RHBDL1: variants seen among roughly 807,000 people sequenced by gnomAD.
The protein encoded by RHBDL1 is rhomboid like 1.
RHBDL1 carries 21 observed loss-of-function variants against 34.0 expected under a neutral mutation model. The observed-to-expected ratio is 0.62, with a 90% confidence interval of 0.44 to 0.89. The LOEUF is 0.89. Ranked by LOEUF, RHBDL1 falls within the 40% of genes least tolerant of loss-of-function variation. The pLI is 0.00. For synonymous variants in RHBDL1, 268 were observed against 234.8 expected (o/e 1.14, Z -1.29); for missense variants, 450 against 530.6 (o/e 0.85, Z 1.49).
Position 676,073 on chromosome 16 carries a change from G to A in RHBDL1, c.39+244G>A, listed in dbSNP as rs991664446. On this transcript the variant is annotated intron_variant, in intron 1 of 7. Transcript: ENST00000352681. The surrounding 1 kb of genome is among the most constrained non-coding windows in gnomAD (Gnocchi z 6.9). ...GGGAGGGAGGGCGGGCAGCTGGCTG[G>A]TCTTGGACCTTGGCCCTCGCTTTCC... The A allele has an allele frequency of 3.5e-6, 5 of 1,442,852 alleles. No individual in the cohort carries two copies. The highest frequency in any genetic ancestry group is 4.6e-6 in the Non-Finnish European group (5 of 1,094,648). 89.4% of individuals were successfully genotyped at this position (1,442,852 alleles called of 1,614,324 possible). A position where few individuals can be genotyped will look rare whatever the true frequency, so the allele number is the denominator to read the frequency against.
chr16:675,898 T>C (rs917215687), intron 1 of RHBDL1, 69 bp downstream of exon 1: 5 of 1,451,586 alleles, frequency 3.4e-6, no homozygotes, highest in Non-Finnish European at 4.6e-6. Flanking sequence ...TGAGCTGAGC[T>C]TGTGCGGGAC....
At position 676,137 on chromosome 16, in the gene RHBDL1, G is replaced by A. The variant is rs923002303; in HGVS notation, c.40-199G>A. 38 of 1,466,268 alleles carry A rather than the reference G, an allele frequency of 2.6e-5. No homozygotes were observed. The highest frequency in any genetic ancestry group is 3.3e-5 in the Non-Finnish European group (36 of 1,105,106). 90.8% of individuals were successfully genotyped at this position (1,466,268 alleles called of 1,614,324 possible). Reference sequence around the variant, plus strand: ...TGGAAGACGGGGGAACAACTGAGGAGCTGGAGGACTGGGACCCAGGCACCA... The same window carrying A: ...TGGAAGACGGGGGAACAACTGAGGAACTGGAGGACTGGGACCCAGGCACCA... On this transcript the variant is annotated intron_variant, in intron 1 of 7. Transcript: ENST00000352681. The surrounding 1 kb of genome is among the most constrained non-coding windows in gnomAD (Gnocchi z 6.9).
chr16:677,249 C>A, intron 4 of RHBDL1, 27 bp from the exon 5 acceptor site: 1 of 1,559,422 alleles, frequency 6.4e-7, no homozygotes, highest in African/African-American at 1.4e-5. Flanking sequence ...CCCCACCCTT[C>A]GTACCCGTTT....
chr16:676,191 G>C lies in RHBDL1; in HGVS notation c.40-145G>C, dbSNP rs2039539110. The C allele has an allele frequency of 6.6e-7, 1 of 1,513,896 alleles. No individual in the cohort carries two copies. The allele number at this position is 1,513,896 out of a possible 1,614,324, so 93.8% of individuals were successfully genotyped here. ...CCCTGCCAGCTCCTGGGATCAAGCAGGGTCCCAGGGAACAGACAGGCACGG... is the reference window on the plus strand; with the variant it reads ...CCCTGCCAGCTCCTGGGATCAAGCACGGTCCCAGGGAACAGACAGGCACGG... On this transcript the variant is annotated intron_variant, in intron 1 of 7. Transcript: ENST00000352681. This position sits in a 1 kb window ranked among gnomAD's most constrained non-coding sequence, Gnocchi z 6.9.
At position 675,804 on chromosome 16, in the gene RHBDL1, C is replaced by G. The variant is rs1288921678; in HGVS notation, c.14C>G (p.Ser5Trp). Residue 5 changes from serine (S) to tryptophan (W), a missense_variant, in exon 1 of 8, where the codon TCG (serine) becomes TGG (tryptophan). Transcript: ENST00000352681. MDRS[S>W]LLQLIQEQQL... ...CGGCCAGGCTCTATGGACAGGAGCT[C>G]GCTGCTGCAGCTCATCCAGGAGCAG... 3 of 1,511,024 alleles carry G rather than the reference C, an allele frequency of 2.0e-6. No homozygotes were observed. The highest frequency in any genetic ancestry group is 1.8e-6 in the Non-Finnish European group (2 of 1,133,536). The allele number at this position is 1,511,024 out of a possible 1,614,324, so 93.6% of individuals were successfully genotyped here. A position where few individuals can be genotyped will look rare whatever the true frequency, so the allele number is the denominator to read the frequency against.
In RHBDL1 at chr16:676,959, T is replaced by C. The variant is rs1453883101; in HGVS notation, c.427-12T>C. On this transcript the variant is annotated splice_polypyrimidine_tract_variant and intron_variant, in intron 3 of 7. Transcript: ENST00000352681. This position sits in a 1 kb window ranked among gnomAD's most constrained non-coding sequence, Gnocchi z 6.9. The stretch of plus-strand genomic sequence containing the variant: ...CTCCTGGCCATGACCAGCCTAACAC[T>C]CGTGTCCCCAGATCATCGTGTTCCT... The C allele has an allele frequency of 5.6e-6, 9 of 1,611,682 alleles. No homozygotes were observed. Among genetic ancestry groups the C allele is most frequent in the East Asian group, 2.2e-5 (1 of 44,806 alleles).
chr16:677,206 A>C, intron 4 of RHBDL1, 70 bp from the exon 5 acceptor site: 2 of 1,568,056 alleles, frequency 1.3e-6, no homozygotes, highest in Middle Eastern at 1.7e-4. Flanking sequence ...CGGCAACTTG[A>C]GGTGACGGCT....
In RHBDL1 at chr16:676,378, T is replaced by C. The variant is rs2039544240; in HGVS notation, c.82T>C (p.Phe28Leu). The C allele has an allele frequency of 1.2e-6, 2 of 1,609,104 alleles. No homozygotes were observed. Among genetic ancestry groups the C allele is most frequent in the African/African-American group, 1.3e-5 (1 of 74,618 alleles). The change falls in exon 2 of 8, where the codon TTC becomes CTC. Residue 28 changes from phenylalanine (F) to leucine (L), a missense_variant. Coordinates refer to ENST00000352681, the MANE Select transcript of RHBDL1 (RefSeq NM_001278720.2). This position sits in a 1 kb window ranked among gnomAD's most constrained non-coding sequence, Gnocchi z 6.9. ...CACAGGCTTCATCGGTGCGGACACC[T>C]TCACTGGCCTGGTGCACAGCCATGA... Reference protein sequence around the residue: ...ENTGFIGADTFTGLVHSHELP... With the variant: ...ENTGFIGADTLTGLVHSHELP...
In RHBDL1 at chr16:677,963, C is replaced by T. The variant is rs2039581829; in HGVS notation, c.1033C>T (p.Leu345=). The T allele has an allele frequency of 1.2e-6, 2 of 1,602,796 alleles. No homozygotes were observed. The highest frequency in any genetic ancestry group is 8.5e-7 in the Non-Finnish European group (1 of 1,179,400). The change falls in exon 8 of 8, where the codon CTG becomes TTG. Residue 345 remains leucine (L), a synonymous_variant. Coordinates refer to ENST00000352681, the MANE Select transcript of RHBDL1 (RefSeq NM_001278720.2). ...RDQCGWWVVL[L]AYGTFLLFAV... Reference sequence around the variant, plus strand: ...CCAGTGCGGCTGGTGGGTGGTGCTGCTGGCCTACGGCACCTTCCTGCTCTT... The same window carrying T: ...CCAGTGCGGCTGGTGGGTGGTGCTGTTGGCCTACGGCACCTTCCTGCTCTT...
rs1294097122 is a variant in RHBDL1, at chr16:677,491, GC to G, written c.725del (p.Pro242ArgfsTer22). ...AACCGTCTCCATCACCGACATGCGG[GC>G]CCCGGTGGTGGGAGGCTCCGGCGGG... Reference protein sequence around the residue: ...SLTVSITDMRAPVVGGSGGVY... With the variant: ...SLTVSITDMRXPVVGGSGGVY... On this transcript the variant is annotated frameshift_variant, in exon 6 of 8. Coordinates refer to ENST00000352681, the MANE Select transcript of RHBDL1 (RefSeq NM_001278720.2). LOFTEE classifies it high-confidence loss of function. 6.2e-7 allele frequency: 1 copy of G among 1,608,762 alleles called. No homozygotes were observed.
Position 678,125 on chromosome 16 carries a change from C to T in RHBDL1, c.*73C>T, listed in dbSNP as rs1471643940. The T allele has an allele frequency of 1.4e-6, 2 of 1,455,282 alleles. No homozygotes were observed. Among genetic ancestry groups the T allele is most frequent in the African/African-American group, 2.9e-5 (2 of 69,706 alleles). The allele number at this position is 1,455,282 out of a possible 1,614,324, so 90.1% of individuals were successfully genotyped here. ...GCCCACCAGGGGCCTTCACGTCTGC[C>T]CTTTGTGAACGGACGTCTCAGGGCT... On this transcript the variant is annotated 3_prime_UTR_variant, in exon 8 of 8. Transcript: ENST00000352681.
chr16:676,566 T>C lies in RHBDL1; in HGVS notation c.201+69T>C. 6.4e-7 allele frequency: 1 copy of C among 1,570,416 alleles called. No individual in the cohort carries two copies. Among genetic ancestry groups the C allele is most frequent in the South Asian group, 1.1e-5 (1 of 87,904 alleles). On this transcript the variant is annotated intron_variant, in intron 2 of 7. Coordinates refer to ENST00000352681, the MANE Select transcript of RHBDL1 (RefSeq NM_001278720.2). This position sits in a 1 kb window ranked among gnomAD's most constrained non-coding sequence, Gnocchi z 6.9. ...CCAGAGGAGGCGGGCAGGCAGCTCC[T>C]CACGGCGGTGGGTGGGGGGCTTGTG...
In RHBDL1 at chr16:676,586, C is replaced by T; in HGVS notation, c.202-86C>T. ...GCTCCTCACGGCGGTGGGTGGGGGGCTTGTGGATGCGGGGAGCTGGGTGAG... is the reference window on the plus strand; with the variant it reads ...GCTCCTCACGGCGGTGGGTGGGGGGTTTGTGGATGCGGGGAGCTGGGTGAG... On this transcript the variant is annotated intron_variant, in intron 2 of 7. Transcript: ENST00000352681. This position sits in a 1 kb window ranked among gnomAD's most constrained non-coding sequence, Gnocchi z 6.9. 6.3e-7 allele frequency: 1 copy of T among 1,576,082 alleles called. No individual in the cohort carries two copies. The highest frequency in any genetic ancestry group is 1.3e-5 in the African/African-American group (1 of 74,366).
rs1217258563 is a variant in RHBDL1 at position 677,260 on chromosome 16, G to C, written c.576-16G>C. The C allele has an allele frequency of 1.3e-6, 2 of 1,559,920 alleles. No individual in the cohort carries two copies. Among genetic ancestry groups the C allele is most frequent in the East Asian group, 4.8e-5 (2 of 41,406 alleles). ...CTGACCCCACCCTTCGTACCCGTTT[G>C]CTTCCCTGTGGCCAGGCTGGAGCAG... On this transcript the variant is annotated splice_polypyrimidine_tract_variant and intron_variant, in intron 4 of 7. Coordinates refer to ENST00000352681, the MANE Select transcript of RHBDL1 (RefSeq NM_001278720.2).
Position 677,844 on chromosome 16 carries a change from C to A in RHBDL1, c.914C>A (p.Pro305Gln). The stretch of plus-strand genomic sequence containing the variant: ...TCCCCGCCGCTGCCCGCCTCGGGCC[C>A]ACAGCCCAGCTTCATGGCGCACCTG... Reference protein sequence around the residue: ...RFSPPLPASGPQPSFMAHLAG... With the variant: ...RFSPPLPASGQQPSFMAHLAG... The change falls in exon 8 of 8, where the codon CCA becomes CAA. Residue 305 changes from proline to glutamine, a missense_variant. Pro to Gln is a moderately conservative substitution (Grantham distance 76, BLOSUM62 -1). Coordinates refer to ENST00000352681, the MANE Select transcript of RHBDL1 (RefSeq NM_001278720.2). The A allele has an allele frequency of 6.3e-7, 1 of 1,589,570 alleles. No homozygotes were observed.
At position 677,488 on chromosome 16, in the gene RHBDL1, C is replaced by T. The variant is rs866745664; in HGVS notation, c.718C>T (p.Arg240Trp). ...CCTAACCGTCTCCATCACCGACATG[C>T]GGGCCCCGGTGGTGGGAGGCTCCGG... ...GSLTVSITDM[R>W]APVVGGSGGV... is the part of the protein sequence containing the mutation. The change falls in exon 6 of 8, where the codon CGG becomes TGG. Residue 240 changes from arginine (R) to tryptophan (W), a missense_variant. Arg to Trp is a moderately radical substitution (Grantham distance 101, BLOSUM62 -3). Transcript: ENST00000352681. 4.4e-6 allele frequency: 7 copies of T among 1,608,124 alleles called. No homozygotes were observed. Among genetic ancestry groups the T allele is most frequent in the African/African-American group, 1.3e-5 (1 of 74,908 alleles).
At chr16:675,923 GC>G in intron 1 of RHBDL1, 94 bp downstream of exon 1, 1 of 1,422,998 alleles carries the variant, frequency 7.0e-7, no homozygotes, top group Non-Finnish European at 9.3e-7. Context: ...CTCCCCGAAA[GC>G]CCCGCTCGGT....
chr16:677,839 G>A lies in RHBDL1; in HGVS notation c.909G>A (p.Ser303=), dbSNP rs776299686. Residue 303 remains serine (S), a synonymous_variant, in exon 8 of 8, where the codon TCG becomes TCA. Coordinates refer to ENST00000352681, the MANE Select transcript of RHBDL1 (RefSeq NM_001278720.2). ...GCTTCTCCCCGCCGCTGCCCGCCTC[G>A]GGCCCACAGCCCAGCTTCATGGCGC... is the stretch of plus-strand genomic sequence containing the variant. ...WLRFSPPLPA[S]GPQPSFMAHL... The A allele has an allele frequency of 1.4e-5, 23 of 1,587,004 alleles. No individual in the cohort carries two copies. The East Asian group carries it at 1.8e-4, about 13-fold the overall frequency.
chr16:678,099 C>T lies in RHBDL1; in HGVS notation c.*47C>T, dbSNP rs768851969. ...GGCCAGGGCTCGGGCATGTGGTGGCCGCCCACCAGGGGCCTTCACGTCTGC... is the reference window on the plus strand; with the variant it reads ...GGCCAGGGCTCGGGCATGTGGTGGCTGCCCACCAGGGGCCTTCACGTCTGC... On this transcript the variant is annotated 3_prime_UTR_variant, in exon 8 of 8. Coordinates refer to ENST00000352681, the MANE Select transcript of RHBDL1 (RefSeq NM_001278720.2). 32 of 1,492,784 alleles carry T rather than the reference C, an allele frequency of 2.1e-5. No individual in the cohort carries two copies. The Middle Eastern group carries it at 2.0e-3, about 92-fold the overall frequency. 92.5% of individuals were successfully genotyped at this position (1,492,784 alleles called of 1,614,324 possible).
Sources: gnomAD v4.1 joint callset for allele counts on GRCh38, gnomAD v4.1.1 for gene constraint, Gnocchi (gnomAD v3.1) non-coding constraint, MANE v1.5 for transcripts, NCBI Gene and HGNC (gene_info 2026-07-23, HGNC 2026-07-21) for gene names.